Variants in ARHGAP8 observed in about 807,000 individuals in gnomAD.
The protein encoded by ARHGAP8 is Rho GTPase activating protein 8, also known as rho GTPase-activating protein 8.
ARHGAP8 carries 62 observed loss-of-function variants against 46.1 expected under a neutral mutation model. That is an observed-to-expected ratio of 1.34 (90% confidence interval 1.10 to 1.66). The LOEUF (loss-of-function observed/expected upper bound fraction) is 1.66. Among genes scored for constraint, ARHGAP8 ranks in the 40% most tolerant of loss-of-function variants. ARHGAP8 has a pLI of 0.00. For synonymous variants in ARHGAP8, 375 were observed against 243.1 expected (o/e 1.54, Z -5.05); for missense variants, 923 against 568.4 (o/e 1.62, Z -6.34).
intron 7 of ARHGAP8, among the ~76,000 whole-genome samples, chr22:44,833,834 T>C (rs889124223): frequency 5.3e-5 from 8 of 152,196 alleles, no homozygotes; most frequent in African/African-American, 1.9e-4. Flanking sequence ...ACCTCTTTGC[T>C]TGTTATATTT....
At chr22:44,861,000 C>CTAAT (rs1569189086) in intron 11 of ARHGAP8, among the ~76,000 whole-genome samples, 1 of 56,944 alleles carries the variant, frequency 1.8e-5, no homozygotes, top group East Asian at 9.7e-4. Flanking sequence ...CTAAACTCTC[C>CTAAT]TAATTCTCTC....
At chr22:44,770,546 C>T (rs1344118629) in intron 1 of ARHGAP8, among the ~76,000 whole-genome samples, 1 of 152,072 alleles carries the variant, frequency 6.6e-6, no homozygotes, top group Non-Finnish European at 1.5e-5. Context: ...GCTGGGATTA[C>T]AGGTGTCTGC....
At chr22:44,841,261 C>T (rs1931632282) in intron 7 of ARHGAP8, among the ~76,000 whole-genome samples, 1 of 152,062 alleles carries the variant, frequency 6.6e-6, no homozygotes, top group Non-Finnish European at 1.5e-5. Flanking sequence ...ATTGTTAAGT[C>T]TCTGTGCGAG....
At chr22:44,822,116 G>C (rs1930194362) in intron 5 of ARHGAP8, among the ~76,000 whole-genome samples, 1 of 152,154 alleles carries the variant, frequency 6.6e-6, no homozygotes, top group African/African-American at 2.4e-5. Flanking sequence ...ATGTAAATTG[G>C]AGGCAGATAT....
chr22:44,812,602 G>A (rs147570402), intron 4 of ARHGAP8, among the ~76,000 whole-genome samples: 1,863 of 152,058 alleles, frequency 0.012, 29 homozygotes, highest in African/African-American at 0.043. Flanking sequence ...TGATCCGCCC[G>A]CCTCAGCCTC....
chr22:44,789,137 GTTTT>G (rs770265303), intron 2 of ARHGAP8, among the ~76,000 whole-genome samples: 1 of 151,870 alleles, frequency 6.6e-6, no homozygotes, highest in Non-Finnish European at 1.5e-5. Context: ...ATGCTTTTTG[GTTTT>G]TTTGTTTGTT....
At chr22:44,837,286 G>A (rs1415482672) in intron 7 of ARHGAP8, among the ~76,000 whole-genome samples, 2 of 152,298 alleles carry the variant, frequency 1.3e-5, no homozygotes, top group South Asian at 4.1e-4. Flanking sequence ...CACATCTCCC[G>A]AGGGGAGGGG....
intron 2 of ARHGAP8, among the ~76,000 whole-genome samples, chr22:44,794,953 A>C (rs1037135133): frequency 7.4e-4 from 111 of 150,058 alleles, no homozygotes; most frequent in African/African-American, 2.3e-3. Flanking sequence ...AGAAGGGAGG[A>C]TCGTTTGAGC....
At chr22:44,787,321 C>CTTTGTTTTGT (rs150868916) in intron 2 of ARHGAP8, among the ~76,000 whole-genome samples, 2,569 of 150,742 alleles carry the variant, frequency 0.017, 45 homozygotes, top group East Asian at 0.083. Flanking sequence ...TCTTGCGTTG[C>CTTTGTTTTGT]TTTGTTTTGT....
chr22:44,858,127 T>C (rs899969411), intron 10 of ARHGAP8, among the ~76,000 whole-genome samples: 1 of 152,206 alleles, frequency 6.6e-6, no homozygotes, highest in African/African-American at 2.4e-5. Flanking sequence ...TAATGGCTTT[T>C]ATTAAGAAGC....
chr22:44,817,843 G>A (rs1339648777), intron 5 of ARHGAP8, among the ~76,000 whole-genome samples: 1 of 151,830 alleles, frequency 6.6e-6, no homozygotes. Context: ...GGCGAGGCAT[G>A]GTGGCTCACA....
intron 9 of ARHGAP8, among the ~76,000 whole-genome samples, chr22:44,848,425 C>G (rs971943552): frequency 1.3e-5 from 2 of 152,250 alleles, no homozygotes; most frequent in Non-Finnish European, 2.9e-5. Context: ...CCATGTGTAA[C>G]CCGCAGGCAG....
At chr22:44,761,145 G>C (rs573415685) in intron 1 of ARHGAP8, among the ~76,000 whole-genome samples, 2 of 152,210 alleles carry the variant, frequency 1.3e-5, no homozygotes, top group African/African-American at 2.4e-5. Flanking sequence ...CTTGGTCCTC[G>C]TGAAACTTTG....
intron 1 of ARHGAP8, among the ~76,000 whole-genome samples, chr22:44,754,373 T>TGTGTGA (rs1555907814): frequency 0.017 from 2,461 of 147,528 alleles, 37 homozygotes; most frequent in South Asian, 0.049. Context: ...TGTGTGTGTG[T>TGTGTGA]GACGCAGTTT....
intron 5 of ARHGAP8, among the ~76,000 whole-genome samples, chr22:44,819,453 C>T (rs1441133678): frequency 6.6e-6 from 1 of 152,212 alleles, no homozygotes; most frequent in Non-Finnish European, 1.5e-5. Context: ...GGGCAGATTA[C>T]CTGAGGTCAG....
chr22:44,763,474 A>G (rs1191536670), intron 1 of ARHGAP8, among the ~76,000 whole-genome samples: 1 of 147,106 alleles, frequency 6.8e-6, no homozygotes, highest in East Asian at 2.0e-4. Flanking sequence ...CCCGGGTGAC[A>G]AAGCGAGACT....
intron 5 of ARHGAP8, among the ~76,000 whole-genome samples, chr22:44,821,254 AC>A (rs1331994345): frequency 2.0e-5 from 3 of 151,870 alleles, no homozygotes; most frequent in Non-Finnish European, 2.9e-5. Flanking sequence ...ACATGTTGAA[AC>A]CCCGTCTCTA....
chr22:44,859,558 G>A (rs1368396944), intron 10 of ARHGAP8, 173 bp from the exon 11 acceptor site: 2 of 645,782 alleles, frequency 3.1e-6, no homozygotes, highest in Admixed American at 2.8e-5. Flanking sequence ...CAAACACACA[G>A]GTTTGCTGAG....
chr22:44,791,218 C>T (rs1927659938), intron 2 of ARHGAP8, among the ~76,000 whole-genome samples: 1 of 152,104 alleles, frequency 6.6e-6, no homozygotes, highest in African/African-American at 2.4e-5. Flanking sequence ...CTACTGTGGT[C>T]CTTCCGTGTC....
Sources: gnomAD v4.1 joint callset for allele counts (sites outside exome capture counted in the v4.1 genomes callset) on GRCh38, gnomAD v4.1.1 for gene constraint, MANE v1.5 for transcripts, NCBI Gene and HGNC (gene_info 2026-07-23, HGNC 2026-07-21) for gene names.